Variants in EMG1 observed in about 807,000 individuals in gnomAD.
EMG1 encodes EMG1 N1-specific pseudouridine methyltransferase.
EMG1 carries 24 observed loss-of-function variants against 26.9 expected under a neutral mutation model. The observed-to-expected ratio is 0.89, with a 90% CI of 0.65 to 1.26. EMG1 has a LOEUF of 1.26. Among genes scored for constraint, EMG1 ranks in the 50% most tolerant of loss-of-function variants. EMG1 has a pLI of 0.00. For missense variants in EMG1, 299 were observed against 307.6 expected (o/e 0.97, Z 0.21); for synonymous variants, 140 against 112.6 (o/e 1.24, Z -1.54).
At chr12:6,973,348 AG>A (rs1946355509) in intron 1 of EMG1, among the ~76,000 whole-genome samples, 1 of 149,928 alleles carries the variant, frequency 6.7e-6, no homozygotes, top group African/African-American at 2.5e-5. Flanking sequence ...TTGTATTTTT[AG>A]TAGAGATGGG....
chr12:6,983,065 T>C, downstream of EMG1: 1 of 552,972 alleles, frequency 1.8e-6, no homozygotes, highest in Non-Finnish European at 3.4e-6. Context: ...CACTGCAGCC[T>C]TGAATTCCGG....
chr12:6,995,711 G>A (rs1485641099), intron 7 of EMG1, among the ~76,000 whole-genome samples: 1 of 151,850 alleles, frequency 6.6e-6, no homozygotes, highest in African/African-American at 2.4e-5. Flanking sequence ...GTCCTATACC[G>A]GGGTAATCTT....
downstream of EMG1, among the ~76,000 whole-genome samples, chr12:6,983,843 TA>T (rs1208128295): frequency 6.6e-6 from 1 of 152,212 alleles, no homozygotes; most frequent in Non-Finnish European, 1.5e-5. Flanking sequence ...ACTTGAATTT[TA>T]AAAAATGATA....
chr12:6,989,501 A>G (rs920468363), downstream of EMG1, among the ~76,000 whole-genome samples: 3 of 151,888 alleles, frequency 2.0e-5, no homozygotes, highest in Admixed American at 6.6e-5. Flanking sequence ...TAGTAGAGAC[A>G]GGGTTTCACC....
At position 6,976,238 on chromosome 12, in the gene EMG1, A is replaced by G. The variant is rs1485545866; in HGVS notation, c.*429A>G. On this transcript the variant is annotated 3_prime_UTR_variant, in exon 6 of 6. Transcript: ENST00000599672. ...TATCTAATACAGTTCCAAGGTAGAAAAAGTGGAGCAGGCAGGGCCTTGCAC... is the reference window on the plus strand; with the variant it reads ...TATCTAATACAGTTCCAAGGTAGAAGAAGTGGAGCAGGCAGGGCCTTGCAC... The G allele has an allele frequency of 6.4e-6, 1 of 157,340 alleles. No homozygotes were observed. Among genetic ancestry groups the G allele is most frequent in the Non-Finnish European group, 1.4e-5 (1 of 71,400 alleles). The allele number at this position is 157,340 out of a possible 1,614,324, so 9.7% of individuals were successfully genotyped here. A position where few individuals can be genotyped will look rare whatever the true frequency, so the allele number is the denominator to read the frequency against.
At chr12:6,973,071 C>T (rs1555152499) in intron 1 of EMG1, among the ~76,000 whole-genome samples, 1 of 151,230 alleles carries the variant, frequency 6.6e-6, no homozygotes, top group Admixed American at 6.6e-5. Flanking sequence ...AATTCCTGGG[C>T]TCAAGTGATC....
rs1195547332 is a variant in EMG1 at position 6,978,751 on chromosome 12, CTCT to C, written c.*2945_*2947del. On this transcript the variant is annotated 3_prime_UTR_variant, in exon 6 of 6. Transcript: ENST00000599672. ...CATGACTAGGCAGTTTCTCTCAGCA[CTCT>C]TCCTTTTCACACTTGTGGCTGGCTA... is the stretch of plus-strand genomic sequence containing the variant. 3 of 1,594,462 alleles carry C rather than the reference CTCT, an allele frequency of 1.9e-6. No individual in the cohort carries two copies. The African/African-American group carries it at 4.0e-5, about 21-fold the overall frequency.
At position 6,979,006 on chromosome 12, in the gene EMG1, G is replaced by A. The variant is rs113328686; in HGVS notation, c.*3197G>A. ...GTTAAGTACAGAGGGGCCCATATTGGATTTTAATTTAAGGAGAGAAACCTG... is the reference window on the plus strand; with the variant it reads ...GTTAAGTACAGAGGGGCCCATATTGAATTTTAATTTAAGGAGAGAAACCTG... On this transcript the variant is annotated 3_prime_UTR_variant, in exon 6 of 6. Transcript: ENST00000599672. 1.1e-3 allele frequency: 365 copies of A among 325,358 alleles called. 3 individuals carry two copies. Among genetic ancestry groups the A allele is most frequent in the African/African-American group, 6.8e-3 (319 of 46,860 alleles). 20.2% of individuals were successfully genotyped at this position (325,358 alleles called of 1,614,324 possible).
rs1253175288 is a variant in EMG1, at chr12:6,979,922, A to G, written c.*4113A>G. 8.5e-6 allele frequency: 2 copies of G among 236,304 alleles called. No individual in the cohort carries two copies. The highest frequency in any genetic ancestry group is 1.6e-5 in the Non-Finnish European group (2 of 123,294). 14.6% of individuals were successfully genotyped at this position (236,304 alleles called of 1,614,324 possible). A position where few individuals can be genotyped will look rare whatever the true frequency, so the allele number is the denominator to read the frequency against. ...AACCCAGTGGAGGTAAGATAATAAA[A>G]ATAACCACTTTGAATCTGCTCCTTC... On this transcript the variant is annotated 3_prime_UTR_variant, in exon 6 of 6. Transcript: ENST00000599672.
At chr12:6,982,244 G>T (rs1032998681), downstream of EMG1, among the ~76,000 whole-genome samples, 209 of 152,212 alleles carry the variant, frequency 1.4e-3, no homozygotes, top group African/African-American at 4.5e-3. Context: ...TCACCATGTT[G>T]CCCGGGTTAG....
chr12:6,982,258 C>CA (rs1555154205), downstream of EMG1, among the ~76,000 whole-genome samples: 1 of 152,126 alleles, frequency 6.6e-6, no homozygotes, highest in African/African-American at 2.4e-5. Flanking sequence ...GGGTTAGTCT[C>CA]AAACTCCTGG....
Position 6,975,225 on chromosome 12 carries a change from T to C in EMG1, c.472-4T>C. 1 of 1,613,978 alleles carries C rather than the reference T, an allele frequency of 6.2e-7. No individual in the cohort carries two copies. The highest frequency in any genetic ancestry group is 1.7e-5 in the Admixed American group (1 of 60,014). ...GGCTGACTTTTCTCTCTTTTTTACT[T>C]TAGGTAATTAAGAATCCAGTATCAG... On this transcript the variant is annotated splice_polypyrimidine_tract_variant and splice_region_variant and intron_variant, in intron 4 of 5. Transcript: ENST00000599672.
rs1555153462 is a variant in EMG1 at position 6,977,582 on chromosome 12, C to G, written c.*1773C>G. ...TGTCCCTTATATTCCCCTTCACCCC[C>G]ACCCTGGAGGCCTACCTGTCTTTCC... On this transcript the variant is annotated 3_prime_UTR_variant, in exon 6 of 6. Transcript: ENST00000599672. The surrounding 1 kb of genome is among the most constrained non-coding windows in gnomAD (Gnocchi z 4.5). 2 of 1,614,092 alleles carry G rather than the reference C, an allele frequency of 1.2e-6. No homozygotes were observed. The highest frequency in any genetic ancestry group is 2.7e-5 in the African/African-American group (2 of 74,924).
intron 5 of EMG1, 29 bp downstream of exon 5, chr12:6,975,407 T>G (rs1811340686): frequency 6.4e-7 from 1 of 1,562,362 alleles, no homozygotes; most frequent in African/African-American, 1.4e-5. Flanking sequence ...CCTGAAATTC[T>G]TGGTAGAGCT....
chr12:6,989,057 A>T (rs978930036), downstream of EMG1, among the ~76,000 whole-genome samples: 2 of 150,716 alleles, frequency 1.3e-5, no homozygotes, highest in African/African-American at 4.9e-5. Flanking sequence ...TGGGAGGTGG[A>T]GGTTGTGGTG....
chr12:6,977,133 C>T lies in EMG1; in HGVS notation c.*1324C>T. On this transcript the variant is annotated 3_prime_UTR_variant, in exon 6 of 6. Coordinates refer to ENST00000599672, the MANE Select transcript of EMG1 (RefSeq NM_006331.8). This position sits in a 1 kb window ranked among gnomAD's most constrained non-coding sequence, Gnocchi z 4.5. ...GTTTTAGTTTAGCTGTATTAACTTACCAGGGAAATGGATTATTCCATCTTC... is the reference window on the plus strand; with the variant it reads ...GTTTTAGTTTAGCTGTATTAACTTATCAGGGAAATGGATTATTCCATCTTC... The T allele has an allele frequency of 6.5e-7, 1 of 1,534,490 alleles. No individual in the cohort carries two copies. The highest frequency in any genetic ancestry group is 8.9e-7 in the Non-Finnish European group (1 of 1,120,710).
chr12:6,995,238 G>A (rs912293503), intron 7 of EMG1, among the ~76,000 whole-genome samples: 2 of 151,940 alleles, frequency 1.3e-5, no homozygotes, highest in African/African-American at 4.8e-5. Context: ...CACTTTGGGA[G>A]GCCAAGGCAG....
chr12:6,975,560 T>C, intron 5 of EMG1, 136 bp from the exon 6 acceptor site: 1 of 950,084 alleles, frequency 1.1e-6, no homozygotes, highest in South Asian at 1.4e-5. Context: ...GTTAGGACCT[T>C]CTTCATCCTT....
chr12:6,982,913 TGGA>T (rs1440016862), downstream of EMG1: 3 of 674,228 alleles, frequency 4.4e-6, no homozygotes, highest in African/African-American at 3.6e-5. Flanking sequence ...CCTCATGTTT[TGGA>T]GGAGAGGATG....
Sources: gnomAD v4.1 joint callset for allele counts (sites outside exome capture counted in the v4.1 genomes callset) on GRCh38, gnomAD v4.1.1 for gene constraint, Gnocchi (gnomAD v3.1) non-coding constraint, MANE v1.5 for transcripts, NCBI Gene and HGNC (gene_info 2026-07-23, HGNC 2026-07-21) for gene names.